Variants in ZBTB7C observed in about 807,000 individuals in gnomAD.
ZBTB7C encodes the protein zinc finger and BTB domain-containing protein 7C.
In ZBTB7C, 8 loss-of-function variants were observed where a neutral mutation model predicts 25.7. The observed-to-expected ratio is 0.31, with a 90% CI of 0.18 to 0.56. The LOEUF (loss-of-function observed/expected upper bound fraction) is 0.56. Among genes scored for constraint, ZBTB7C ranks in the 20% least tolerant of loss-of-function variants. ZBTB7C has a pLI of 0.91. For missense variants in ZBTB7C, 824 were observed against 855.2 expected, an observed-to-expected ratio of 0.96 and a Z score of 0.46; for synonymous variants, 394 against 369.0, an observed-to-expected ratio of 1.07 and a Z score of -0.78.
chr18:48,149,734 G>A (rs915841189), intron 3 of ZBTB7C: 4 of 151,646 alleles, frequency 2.6e-5, no homozygotes, highest in Non-Finnish European at 2.9e-5. Context: ...CCAAGAATAG[G>A]AAAATAATCA....
chr18:48,194,840 G>C (rs1024182019), intron 2 of ZBTB7C, among the ~76,000 whole-genome samples: 5 of 150,484 alleles, frequency 3.3e-5, no homozygotes, highest in Admixed American at 1.3e-4. Flanking sequence ...GTGGGTGCTG[G>C]AGTGCAGCAT....
chr18:48,088,156 T>C (rs992982950), intron 3 of ZBTB7C: 3 of 152,136 alleles, frequency 2.0e-5, no homozygotes, highest in African/African-American at 7.2e-5. Flanking sequence ...AATAAAAGCA[T>C]AAAGCTTTCG....
chr18:48,144,192 T>C (rs1316757745), intron 3 of ZBTB7C, among the ~76,000 whole-genome samples: 2 of 151,768 alleles, frequency 1.3e-5, no homozygotes, highest in Non-Finnish European at 2.9e-5. Context: ...GGCAGAAGAA[T>C]CACTTGAAGC....
chr18:48,276,272 CTCT>C (rs1598756398), intron 2 of ZBTB7C, among the ~76,000 whole-genome samples: 1 of 137,666 alleles, frequency 7.3e-6, no homozygotes, highest in East Asian at 2.1e-4. Context: ...TAAGCTTTCT[CTCT>C]TTTTTTTTTT....
intron 1 of ZBTB7C, among the ~76,000 whole-genome samples, chr18:48,355,528 A>G (rs9955787): frequency 0.89 from 135,179 of 152,174 alleles, 60,177 homozygotes; most frequent in East Asian, 0.97. Flanking sequence ...AACCCCACTT[A>G]GCCATTCGCT....
intron 2 of ZBTB7C, among the ~76,000 whole-genome samples, chr18:48,218,149 G>A (rs533594131): frequency 7.2e-5 from 11 of 152,112 alleles, no homozygotes; most frequent in African/African-American, 1.2e-4. Context: ...ACCTGGCAGC[G>A]TCCACGTTCA....
intron 2 of ZBTB7C, among the ~76,000 whole-genome samples, chr18:48,285,089 C>T (rs908852985): frequency 3.9e-5 from 6 of 152,168 alleles, no homozygotes; most frequent in Admixed American, 2.0e-4. Flanking sequence ...AAATGTATGC[C>T]ACAGAAGAAG....
chr18:48,097,932 A>G (rs1238864982), intron 3 of ZBTB7C, among the ~76,000 whole-genome samples: 1 of 151,144 alleles, frequency 6.6e-6, no homozygotes, highest in Non-Finnish European at 1.5e-5. Flanking sequence ...TACCTGTGTT[A>G]CCACCCAGCC....
intron 3 of ZBTB7C, among the ~76,000 whole-genome samples, chr18:48,080,998 C>T (rs994270739): frequency 6.6e-6 from 1 of 152,260 alleles, no homozygotes; most frequent in African/African-American, 2.4e-5. Context: ...TGAAATTTCC[C>T]TGGGAGCCTG....
rs530141195 is a variant in ZBTB7C at position 48,067,858 on chromosome 18, G to A, written c.-16-26735C>T. The stretch of plus-strand genomic sequence containing the variant: ...CTCTACTAAAAATACAAAATTAGCT[G>A]GGCATGGTGGCGCATGCCTGTAATC... On this transcript the variant is annotated intron_variant, in intron 3 of 4. Coordinates refer to ENST00000590800, the MANE Select transcript of ZBTB7C (RefSeq NM_001318841.2). Among the ~76,000 whole-genome samples, 3 of 152,234 alleles carry A rather than the reference G, an allele frequency of 2.0e-5. No homozygotes were observed. In the South Asian group the frequency reaches 6.2e-4, roughly 32 times the overall value.
chr18:48,232,085 C>G (rs2043270349), intron 2 of ZBTB7C, among the ~76,000 whole-genome samples: 1 of 152,228 alleles, frequency 6.6e-6, no homozygotes, highest in African/African-American at 2.4e-5. Context: ...CAGCTGAGCA[C>G]AGCCTGCCAG....
At position 48,380,432 on chromosome 18, in the gene ZBTB7C, T is replaced by C. The variant is rs371229078; in HGVS notation, c.-304+28794A>G. On this transcript the variant is annotated intron_variant, in intron 1 of 4. Transcript: ENST00000590800. ...GAAGAGACTAAAACAATCCATGAGA[T>C]GATGGATTAGTCGGAGACATCGGTA... is the stretch of plus-strand genomic sequence containing the variant. Among the ~76,000 whole-genome samples the C allele has an allele frequency of 3.9e-5, 6 of 152,258 alleles. No individual in the cohort carries two copies. In the East Asian group the frequency reaches 9.7e-4, roughly 24 times the overall value.
chr18:48,371,814 A>G (rs970408904), intron 1 of ZBTB7C, among the ~76,000 whole-genome samples: 3 of 152,154 alleles, frequency 2.0e-5, no homozygotes, highest in Non-Finnish European at 2.9e-5. Flanking sequence ...AGATTTCATT[A>G]CCCTGGAAGG....
intron 2 of ZBTB7C, among the ~76,000 whole-genome samples, chr18:48,245,104 A>ATATAT (rs2043643741): frequency 4.2e-5 from 6 of 144,206 alleles, no homozygotes; most frequent in African/African-American, 1.6e-4. Flanking sequence ...ATATATATAT[A>ATATAT]CACACACACA....
At chr18:48,317,254 T>C (rs2045970250) in intron 2 of ZBTB7C, among the ~76,000 whole-genome samples, 2 of 101,090 alleles carry the variant, frequency 2.0e-5, no homozygotes, top group African/African-American at 7.9e-5. Context: ...TGAAACTCCG[T>C]CTCAAAAAAA....
chr18:48,329,911 C>T (rs1304767272), intron 2 of ZBTB7C, among the ~76,000 whole-genome samples: 1 of 152,128 alleles, frequency 6.6e-6, no homozygotes, highest in Non-Finnish European at 1.5e-5. Context: ...TACAACAATC[C>T]CGGGAGGGAG....
chr18:48,257,158 C>A (rs1451337574), intron 2 of ZBTB7C, among the ~76,000 whole-genome samples: 2 of 151,772 alleles, frequency 1.3e-5, no homozygotes, highest in South Asian at 2.1e-4. Context: ...AAAATATATA[C>A]CAAGCTAATA....
intron 1 of ZBTB7C, among the ~76,000 whole-genome samples, chr18:48,404,649 C>T (rs1223729521): frequency 6.6e-6 from 1 of 152,162 alleles, no homozygotes; most frequent in Non-Finnish European, 1.5e-5. Context: ...ATCAACTTGG[C>T]CCCAGGGTTC....
At chr18:48,400,198 G>A (rs1342943002) in intron 1 of ZBTB7C, among the ~76,000 whole-genome samples, 3 of 152,154 alleles carry the variant, frequency 2.0e-5, no homozygotes, top group African/African-American at 7.2e-5. Context: ...CTGTATAAAT[G>A]GTCCAGACAG....
Sources: gnomAD v4.1 joint callset for allele counts (sites outside exome capture counted in the v4.1 genomes callset) on GRCh38, gnomAD v4.1.1 for gene constraint, MANE v1.5 for transcripts, NCBI Gene and HGNC (gene_info 2026-07-23, HGNC 2026-07-21) for gene names.